The following HLCS variants were observed in gnomAD, a reference collection of about 807,000 sequenced individuals.
HLCS encodes biotin--protein ligase.
A neutral mutation model predicts 75.0 loss-of-function variants in HLCS; 53 were observed. That is an observed-to-expected ratio of 0.71 (90% CI 0.57 to 0.89). HLCS has a LOEUF of 0.89. HLCS is among the 40% of genes least tolerant of loss of function. The pLI is 0.00. For synonymous variants in HLCS, 431 were observed against 428.6 expected (o/e 1.01, Z -0.07); for missense variants, 966 against 1,074.0 (o/e 0.90, Z 1.41).
chr21:36,879,737 T>C (rs1450842539), intron 6 of HLCS, among the ~76,000 whole-genome samples: 1 of 151,934 alleles, frequency 6.6e-6, no homozygotes, highest in East Asian at 1.9e-4. Context: ...AGTGAGACCT[T>C]GTCTCTACAA....
intron 6 of HLCS, among the ~76,000 whole-genome samples, chr21:36,779,399 C>A (rs571626696): frequency 6.6e-6 from 1 of 152,162 alleles, no homozygotes; most frequent in African/African-American, 2.4e-5. Context: ...TCCATCCATC[C>A]AGTTTGAAAA....
chr21:36,969,409 C>T (rs2068724032), upstream of HLCS, among the ~76,000 whole-genome samples: 1 of 152,100 alleles, frequency 6.6e-6, no homozygotes, highest in Admixed American at 6.6e-5. Flanking sequence ...TAGGCCCCAC[C>T]CAACCCCAAA....
chr21:36,872,732 G>A (rs1487643760), intron 6 of HLCS, among the ~76,000 whole-genome samples: 1 of 152,128 alleles, frequency 6.6e-6, no homozygotes, highest in Non-Finnish European at 1.5e-5. Flanking sequence ...CCATTCATCT[G>A]TCAGTGGACA....
intron 8 of HLCS, among the ~76,000 whole-genome samples, chr21:36,761,459 T>TG (rs1261587737): frequency 6.6e-6 from 1 of 151,860 alleles, no homozygotes; most frequent in Non-Finnish European, 1.5e-5. Flanking sequence ...AAACCAAGCA[T>TG]GGGGGGTGCG....
intron 6 of HLCS, among the ~76,000 whole-genome samples, chr21:36,885,705 G>A (rs750097143): frequency 7.2e-5 from 11 of 152,000 alleles, no homozygotes; most frequent in Non-Finnish European, 1.5e-4. Flanking sequence ...TTATCTCGGC[G>A]CATCCTCACC....
At chr21:36,830,918 C>T in intron 6 of HLCS, among the ~76,000 whole-genome samples, 1 of 151,616 alleles carries the variant, frequency 6.6e-6, no homozygotes, top group African/African-American at 2.4e-5. Flanking sequence ...TAGTTATCCC[C>T]AGAAAGCCAT....
intron 6 of HLCS, among the ~76,000 whole-genome samples, chr21:36,859,289 G>A (rs556917247): frequency 1.5e-4 from 23 of 152,310 alleles, no homozygotes; most frequent in African/African-American, 5.3e-4. Context: ...CCAAAGTGCT[G>A]GGATTACAGG....
intron 6 of HLCS, among the ~76,000 whole-genome samples, chr21:36,775,482 TAGAG>T (rs957497098): frequency 2.6e-5 from 4 of 152,190 alleles, no homozygotes; most frequent in South Asian, 2.1e-4. Context: ...GAAGCTTGCA[TAGAG>T]AGAAATATTC....
intron 6 of HLCS, among the ~76,000 whole-genome samples, chr21:36,790,941 G>GACAC (rs2060842712): frequency 6.6e-6 from 1 of 152,186 alleles, no homozygotes; most frequent in Admixed American, 6.5e-5. Context: ...ATTTGGCAGT[G>GACAC]GTGTTGGCAA....
At chr21:36,859,280 C>T (rs1360028655) in intron 6 of HLCS, among the ~76,000 whole-genome samples, 1 of 152,100 alleles carries the variant, frequency 6.6e-6, no homozygotes, top group Non-Finnish European at 1.5e-5. Context: ...CTTGGCCTCC[C>T]AAAGTGCTGG....
At chr21:36,956,133 T>C (rs1190854415) in intron 2 of HLCS, among the ~76,000 whole-genome samples, 1 of 152,164 alleles carries the variant, frequency 6.6e-6, no homozygotes, top group Non-Finnish European at 1.5e-5. Context: ...ATACGAATTA[T>C]GTAAGTGTTC....
intron 1 of HLCS, chr21:36,972,364 G>A (rs755813094): frequency 3.3e-5 from 5 of 152,122 alleles, no homozygotes; most frequent in Non-Finnish European, 7.3e-5. Flanking sequence ...CACCCAGGCT[G>A]CTCTTGAACC....
intron 6 of HLCS, among the ~76,000 whole-genome samples, chr21:36,798,897 C>A (rs929282877): frequency 2.0e-5 from 3 of 152,060 alleles, no homozygotes; most frequent in African/African-American, 7.2e-5. Context: ...AATATTGAGT[C>A]GTAAGGTTCT....
chr21:36,803,089 T>C (rs569536614), intron 6 of HLCS, among the ~76,000 whole-genome samples: 1 of 152,348 alleles, frequency 6.6e-6, no homozygotes. Context: ...CTCATTGTCA[T>C]GGTGACAACC....
chr21:36,791,258 A>G (rs35352430), intron 6 of HLCS, among the ~76,000 whole-genome samples: 20,800 of 152,160 alleles, frequency 0.14, 1,767 homozygotes, highest in Non-Finnish European at 0.18. Context: ...AACAACATGC[A>G]GACCCCCACC....
At chr21:36,760,152 T>A (rs191289849) in intron 8 of HLCS, among the ~76,000 whole-genome samples, 1 of 152,170 alleles carries the variant, frequency 6.6e-6, no homozygotes, top group East Asian at 1.9e-4. Flanking sequence ...TATGTCAGTA[T>A]CCACCACCAC....
In HLCS at chr21:36,749,780, A is replaced by C. The variant is rs1394632345; in HGVS notation, c.*4466T>G. On this transcript the variant is annotated 3_prime_UTR_variant, in exon 11 of 11. Transcript: ENST00000674895. ...AGATACCACCGACATTTTTCAATAA[A>C]GTACTGCAAAATGCTTTTGTGTCTA... 1 of 152,226 alleles carries C rather than the reference A, an allele frequency of 6.6e-6. No homozygotes were observed. Among genetic ancestry groups the C allele is most frequent in the African/African-American group, 2.4e-5 (1 of 41,462 alleles). The allele number at this position is 152,226 out of a possible 1,614,324, so 9.4% of individuals were successfully genotyped here.
At chr21:36,877,233 T>C (rs1199719997) in intron 6 of HLCS, among the ~76,000 whole-genome samples, 1 of 152,242 alleles carries the variant, frequency 6.6e-6, no homozygotes, top group Non-Finnish European at 1.5e-5. Context: ...CTTAGTCTAT[T>C]ATCATTTAAT....
intron 2 of HLCS, among the ~76,000 whole-genome samples, chr21:36,959,797 A>ACATACCT (rs1330308112): frequency 1.3e-5 from 2 of 152,052 alleles, no homozygotes; most frequent in African/African-American, 2.4e-5. Flanking sequence ...CTCACCCTCC[A>ACATACCT]CATACCTCAT....
Sources: allele counts gnomAD v4.1 joint callset (sites outside exome capture counted in the v4.1 genomes callset), GRCh38; gene constraint gnomAD v4.1.1; transcripts MANE v1.5; gene names NCBI Gene and HGNC (gene_info 2026-07-23, HGNC 2026-07-21).